The following RTN4 variants were observed in gnomAD, a reference collection of about 807,000 sequenced individuals.
The protein encoded by RTN4 is reticulon-4.
Under a neutral mutation model 90.4 loss-of-function variants are expected in RTN4, and 32 were observed. The ratio of observed to expected loss-of-function variants is 0.35; its 90% CI spans 0.27 to 0.48. The LOEUF is 0.48. Ranked by LOEUF, RTN4 falls within the 20% of genes least tolerant of loss-of-function variation. RTN4 has a pLI of 0.99. For synonymous variants in RTN4, 629 were observed against 552.5 expected (o/e 1.14, Z -1.94); for missense variants, 1,706 against 1,430.2 (o/e 1.19, Z -3.11).
At chr2:55,078,186 A>G (rs1444491101) in intron 2 of RTN4, among the ~76,000 whole-genome samples, 1 of 152,234 alleles carries the variant, frequency 6.6e-6, no homozygotes, top group Non-Finnish European at 1.5e-5. Context: ...AAATAAAAAA[A>G]AAATTTAAAA....
chr2:54,989,922 G>T (rs1028019787), intron 3 of RTN4, among the ~76,000 whole-genome samples: 1 of 152,098 alleles, frequency 6.6e-6, no homozygotes, highest in African/African-American at 2.4e-5. Context: ...TACAGTGAGA[G>T]AACACGGGGA....
At chr2:54,993,853 G>T (rs145978064) in intron 3 of RTN4, among the ~76,000 whole-genome samples, 8 of 151,842 alleles carry the variant, frequency 5.3e-5, no homozygotes, top group African/African-American at 9.7e-5. Context: ...AGGAACACCT[G>T]AGAGGCAATC....
At chr2:54,998,399 A>T (rs1485100144) in intron 3 of RTN4, among the ~76,000 whole-genome samples, 1 of 152,160 alleles carries the variant, frequency 6.6e-6, no homozygotes, top group African/African-American at 2.4e-5. Flanking sequence ...AAACAACTAA[A>T]TTTTCAATAT....
chr2:54,990,411 T>C (rs886108502), intron 3 of RTN4, among the ~76,000 whole-genome samples: 2 of 152,170 alleles, frequency 1.3e-5, no homozygotes, highest in African/African-American at 4.8e-5. Context: ...AATAAAAAAA[T>C]AGGAATGATC....
intron 5 of RTN4, among the ~76,000 whole-genome samples, chr2:54,979,748 T>G (rs1677967231): frequency 6.6e-6 from 1 of 152,200 alleles, no homozygotes; most frequent in South Asian, 2.1e-4. Flanking sequence ...TTCCCTGCCT[T>G]ATTCATTTGC....
intron 3 of RTN4, among the ~76,000 whole-genome samples, chr2:55,001,876 G>A (rs1242550697): frequency 1.3e-5 from 2 of 152,080 alleles, no homozygotes; most frequent in Non-Finnish European, 2.9e-5. Context: ...ATACAATTTT[G>A]TGGCAAAAAT....
chr2:55,032,179 C>G (rs1216468367), intron 1 of RTN4, among the ~76,000 whole-genome samples: 1 of 151,922 alleles, frequency 6.6e-6, no homozygotes, highest in African/African-American at 2.4e-5. Flanking sequence ...CTCCCAGGTT[C>G]AAGCAATTAT....
In RTN4 at chr2:55,049,934, G is replaced by C; in HGVS notation, c.367C>G (p.Leu123Val). Residue 123 changes from leucine to valine, a missense_variant, in exon 1 of 9, where the codon CTG becomes GTG. Leu to Val is a conservative substitution (Grantham distance 32, BLOSUM62 1). Coordinates refer to ENST00000337526, the MANE Select transcript of RTN4 (RefSeq NM_020532.5). ...VSSTVPAPSP[L>V]SAAAVSPSKL... ...GAGGGCGAGACTGCGGCAGCAGACA[G>C]CGGGGATGGCGCGGGCACGGTCGAC... The C allele has an allele frequency of 7.4e-7, 1 of 1,345,114 alleles. No individual in the cohort carries two copies. The highest frequency in any genetic ancestry group is 9.5e-7 in the Non-Finnish European group (1 of 1,054,488). 83.3% of individuals were successfully genotyped at this position (1,345,114 alleles called of 1,614,324 possible).
upstream of RTN4, among the ~76,000 whole-genome samples, chr2:55,113,176 A>C (rs1474908470): frequency 6.6e-6 from 1 of 152,190 alleles, no homozygotes; most frequent in Admixed American, 6.5e-5. Context: ...AAAGGCCACC[A>C]CCAAAAGAAG....
chr2:55,002,481 G>C (rs1310040897), intron 3 of RTN4, among the ~76,000 whole-genome samples: 1 of 152,172 alleles, frequency 6.6e-6, no homozygotes, highest in Non-Finnish European at 1.5e-5. Flanking sequence ...AGAGAAAAGT[G>C]AAGTTCAATA....
chr2:55,003,552 T>G (rs1310316174), intron 3 of RTN4, among the ~76,000 whole-genome samples: 1 of 152,196 alleles, frequency 6.6e-6, no homozygotes, highest in African/African-American at 2.4e-5. Context: ...GTCAGATCAC[T>G]GCTCCAAGGA....
intron 1 of RTN4, 116 bp from the exon 2 acceptor site, chr2:55,028,336 G>T: frequency 1.3e-6 from 1 of 776,646 alleles, no homozygotes; most frequent in Non-Finnish European, 2.0e-6. Flanking sequence ...AAACTTTACA[G>T]AGAAAGGGCC....
chr2:55,056,305 G>T (rs553917532), intron 2 of RTN4, among the ~76,000 whole-genome samples: 2 of 152,108 alleles, frequency 1.3e-5, no homozygotes, highest in Admixed American at 1.3e-4. Flanking sequence ...GGATCAGATC[G>T]GCTGTCATGG....
chr2:55,092,184 T>C (rs375277348), intron 1 of RTN4, among the ~76,000 whole-genome samples: 1,735 of 21,182 alleles, frequency 0.082, 31 homozygotes, highest in African/African-American at 0.25. Flanking sequence ...AGTGAGACCA[T>C]GACTTAAAAA....
chr2:54,979,415 A>C (rs1349141830), intron 5 of RTN4, among the ~76,000 whole-genome samples: 3 of 152,192 alleles, frequency 2.0e-5, no homozygotes, highest in African/African-American at 7.2e-5. Context: ...GTGGTGGATA[A>C]GTGTGGCCAT....
chr2:55,053,964 CTG>C (rs1409562771), upstream of RTN4, among the ~76,000 whole-genome samples: 1 of 152,012 alleles, frequency 6.6e-6, no homozygotes, highest in East Asian at 1.9e-4. Context: ...ACTCAGAAGA[CTG>C]GAGAGAAGGA....
intron 3 of RTN4, among the ~76,000 whole-genome samples, chr2:55,008,266 G>A (rs976531177): frequency 6.6e-6 from 1 of 151,576 alleles, no homozygotes; most frequent in African/African-American, 2.4e-5. Context: ...GTAGAAAAAT[G>A]CCTAAGTATA....
chr2:55,002,894 C>T (rs1165645900), intron 3 of RTN4, among the ~76,000 whole-genome samples: 1 of 152,116 alleles, frequency 6.6e-6, no homozygotes, highest in African/African-American at 2.4e-5. Context: ...TTGATCAAGA[C>T]CTGCATAAAT....
At chr2:54,998,764 T>C (rs1679639946) in intron 3 of RTN4, among the ~76,000 whole-genome samples, 1 of 152,182 alleles carries the variant, frequency 6.6e-6, no homozygotes, top group Non-Finnish European at 1.5e-5. Flanking sequence ...AAGGACACCT[T>C]TCAATAAGAA....
Sources: gnomAD v4.1 joint callset for allele counts (sites outside exome capture counted in the v4.1 genomes callset) on GRCh38, gnomAD v4.1.1 for gene constraint, MANE v1.5 for transcripts, NCBI Gene and HGNC (gene_info 2026-07-23, HGNC 2026-07-21) for gene names.